Variants in LTBP1 observed in about 807,000 individuals in gnomAD.
LTBP1 encodes latent-transforming growth factor beta-binding protein 1.
LTBP1 carries 129 observed loss-of-function variants against 207.6 expected under a neutral mutation model. That is an observed-to-expected ratio of 0.62 (90% CI 0.54 to 0.72). The LOEUF is 0.72. LTBP1 is among the 30% of genes least tolerant of loss of function. The pLI, the probability that LTBP1 is intolerant of heterozygous loss-of-function variation, is 0.00. For missense variants in LTBP1, 2,281 were observed against 2,217.2 expected, an observed-to-expected ratio of 1.03 and a Z score of -0.58; for synonymous variants, 963 against 833.7, an observed-to-expected ratio of 1.16 and a Z score of -2.67.
At chr2:33,183,424 G>A (rs1055278109) in intron 5 of LTBP1, among the ~76,000 whole-genome samples, 3 of 152,208 alleles carry the variant, frequency 2.0e-5, no homozygotes, top group African/African-American at 7.2e-5. Flanking sequence ...TTTCAGAGAA[G>A]TGACATGATT....
At position 33,293,995 on chromosome 2, in the gene LTBP1, CTTTTTTTTTTTTTT is replaced by C. The variant is rs71409607; in HGVS notation, c.3235+728_3235+741del. On this transcript the variant is annotated intron_variant, in intron 20 of 33. Coordinates refer to ENST00000404816, the MANE Select transcript of LTBP1 (RefSeq NM_206943.4). ...ATTAGTGAACAAAACTGGTACAGGT[CTTTTTTTTTTTTTT>C]TTTTTTTTTTTTTTGAGCTGAAGTC... Among the ~76,000 whole-genome samples the C allele has an allele frequency of 6.1e-5, 3 of 48,834 alleles. No individual in the cohort carries two copies. The Admixed American group carries it at 8.7e-4, about 14-fold the overall frequency. The allele number at this position is 48,834 out of a possible 152,430, so 32.0% of individuals were successfully genotyped here. A position where few individuals can be genotyped will look rare whatever the true frequency, so the allele number is the denominator to read the frequency against.
intron 9 of LTBP1, among the ~76,000 whole-genome samples, chr2:33,227,745 A>G (rs2091522020): frequency 6.6e-6 from 1 of 151,212 alleles, no homozygotes; most frequent in Admixed American, 6.6e-5. Flanking sequence ...TTTAAAAAAT[A>G]GATTTGATGT....
intron 15 of LTBP1, among the ~76,000 whole-genome samples, chr2:33,266,656 G>C (rs1215831719): frequency 6.6e-6 from 1 of 152,144 alleles, no homozygotes; most frequent in Admixed American, 6.5e-5. Flanking sequence ...CAGATGTCAG[G>C]AGTACCAGCT....
intron 24 of LTBP1, among the ~76,000 whole-genome samples, chr2:33,323,490 T>A (rs529291601): frequency 6.6e-6 from 1 of 152,176 alleles, no homozygotes; most frequent in Admixed American, 6.5e-5. Flanking sequence ...TGCAAAAAAT[T>A]ACCCAGATGT....
At chr2:33,199,069 A>C (rs1377121581) in intron 7 of LTBP1, among the ~76,000 whole-genome samples, 1 of 152,038 alleles carries the variant, frequency 6.6e-6, no homozygotes, top group African/African-American at 2.4e-5. Flanking sequence ...CACTGCTTCG[A>C]ATGTGTCCCA....
chr2:33,143,811 T>C (rs2150827780), intron 5 of LTBP1, among the ~76,000 whole-genome samples: 1 of 151,948 alleles, frequency 6.6e-6, no homozygotes, highest in East Asian at 1.9e-4. Flanking sequence ...TCTTTCCTAT[T>C]ATACCTCTAG....
chr2:33,348,659 T>C (rs781326282), intron 26 of LTBP1, among the ~76,000 whole-genome samples: 2 of 152,220 alleles, frequency 1.3e-5, no homozygotes, highest in Non-Finnish European at 1.5e-5. Context: ...TATAGTGTTA[T>C]TTTGAATGAA....
chr2:33,034,007 G>T (rs946680712), intron 3 of LTBP1, among the ~76,000 whole-genome samples: 1 of 152,184 alleles, frequency 6.6e-6, no homozygotes, highest in African/African-American at 2.4e-5. Flanking sequence ...CTCCCTGGGG[G>T]ACAGGAGAGC....
chr2:33,315,255 GCCGTA>G lies in LTBP1; in HGVS notation c.3718_3722del (p.Arg1240ValfsTer2), dbSNP rs2094251603. The G allele has an allele frequency of 6.2e-7, 1 of 1,612,370 alleles. No homozygotes were observed. The highest frequency in any genetic ancestry group is 8.5e-7 in the Non-Finnish European group (1 of 1,179,720). ...CAGGGTTTCTCAATCTCTGCAGATG[GCCGTA>G]CGTGTGAAGGTAAGATAAACCATAC... is the stretch of plus-strand genomic sequence containing the variant. On this transcript the variant is annotated frameshift_variant, in exon 24 of 34. Coordinates refer to ENST00000404816, the MANE Select transcript of LTBP1 (RefSeq NM_206943.4). LOFTEE classifies it high-confidence loss of function.
chr2:33,309,678 T>C, intron 23 of LTBP1, 122 bp downstream of exon 23: 1 of 1,197,688 alleles, frequency 8.3e-7, no homozygotes, highest in Non-Finnish European at 1.2e-6. Flanking sequence ...TGTCAATTTT[T>C]GATATTAAAA....
At chr2:33,397,881 G>A (rs1424672448) in intron 33 of LTBP1, among the ~76,000 whole-genome samples, 2 of 151,942 alleles carry the variant, frequency 1.3e-5, no homozygotes, top group Non-Finnish European at 2.9e-5. Context: ...TTAATCCATG[G>A]TGTGTCTGTA....
At chr2:33,356,929 G>GTAA (rs1201489876) in intron 26 of LTBP1, among the ~76,000 whole-genome samples, 1 of 152,104 alleles carries the variant, frequency 6.6e-6, no homozygotes, top group East Asian at 1.9e-4. Flanking sequence ...TTCTTTGGGG[G>GTAA]TAACTATTTA....
intron 7 of LTBP1, among the ~76,000 whole-genome samples, chr2:33,208,999 C>G (rs1459872016): frequency 2.0e-5 from 3 of 151,412 alleles, no homozygotes; most frequent in African/African-American, 7.3e-5. Context: ...TCCCAAGTAG[C>G]TGGGATTACA....
chr2:32,997,144 C>A (rs1295612759), intron 2 of LTBP1, among the ~76,000 whole-genome samples: 1 of 152,106 alleles, frequency 6.6e-6, no homozygotes. Context: ...CTCGGCCTCC[C>A]AAGGTGCTGG....
intron 28 of LTBP1, among the ~76,000 whole-genome samples, chr2:33,362,526 A>G (rs1236933790): frequency 6.6e-6 from 1 of 152,184 alleles, no homozygotes; most frequent in Non-Finnish European, 1.5e-5. Flanking sequence ...TTTTATATCA[A>G]AATAAATTCC....
chr2:32,962,544 G>T (rs1442357260), intron 2 of LTBP1, among the ~76,000 whole-genome samples: 3 of 152,186 alleles, frequency 2.0e-5, no homozygotes, highest in Non-Finnish European at 4.4e-5. Context: ...AGTTACGTTT[G>T]TTTCGAGTGG....
At chr2:33,313,038 G>A (rs970128129) in intron 23 of LTBP1, among the ~76,000 whole-genome samples, 8 of 152,140 alleles carry the variant, frequency 5.3e-5, no homozygotes, top group African/African-American at 1.9e-4. Flanking sequence ...AAAAAGGATG[G>A]CCAATCTAAG....
At chr2:33,285,403 T>C (rs1416180702) in intron 19 of LTBP1, among the ~76,000 whole-genome samples, 1 of 151,816 alleles carries the variant, frequency 6.6e-6, no homozygotes, top group African/African-American at 2.4e-5. Context: ...TATAGTTTTT[T>C]AATTCTTCTT....
At chr2:33,131,151 C>T (rs901514396) in intron 4 of LTBP1, among the ~76,000 whole-genome samples, 2 of 152,176 alleles carry the variant, frequency 1.3e-5, no homozygotes, top group African/African-American at 4.8e-5. Context: ...TTGCCCCATG[C>T]TTCGGGTTAC....
Sources: gnomAD v4.1 joint callset for allele counts (sites outside exome capture counted in the v4.1 genomes callset) on GRCh38, gnomAD v4.1.1 for gene constraint, MANE v1.5 for transcripts, NCBI Gene and HGNC (gene_info 2026-07-23, HGNC 2026-07-21) for gene names.